The following ZFAT variants were observed in gnomAD, a reference collection of about 807,000 sequenced individuals.
ZFAT encodes zinc finger and AT-hook domain containing, also known as zinc finger protein ZFAT.
In ZFAT, 64 loss-of-function variants were observed where a neutral mutation model predicts 117.7. The observed-to-expected ratio is 0.54, with a 90% CI of 0.44 to 0.67. ZFAT has a LOEUF of 0.67. Ranked by LOEUF, ZFAT falls within the 30% of genes least tolerant of loss-of-function variation. ZFAT has a pLI of 0.00. For synonymous variants in ZFAT, 679 were observed against 615.0 expected (o/e 1.10, Z -1.54); for missense variants, 1,433 against 1,584.5 (o/e 0.90, Z 1.62).
At chr8:134,556,573 G>C (rs1197658784) in intron 11 of ZFAT, among the ~76,000 whole-genome samples, 1 of 152,024 alleles carries the variant, frequency 6.6e-6, no homozygotes, top group Non-Finnish European at 1.5e-5. Context: ...CTTAAAGCCG[G>C]CTAGAAGAAA....
chr8:134,775,928 A>G, the ZFAT span, among the ~76,000 whole-genome samples: 5 of 152,236 alleles, frequency 3.3e-5, no homozygotes, highest in African/African-American at 1.2e-4. Flanking sequence ...ATATTCAGGG[A>G]AACAAAAGGA....
intron 3 of ZFAT, among the ~76,000 whole-genome samples, chr8:134,625,135 C>G (rs1038602415): frequency 1.3e-5 from 2 of 152,196 alleles, no homozygotes; most frequent in African/African-American, 4.8e-5. Flanking sequence ...CGCCCTCTTC[C>G]CTTAGGCTTT....
In ZFAT at chr8:134,551,494, T is replaced by C. The variant is rs995982009; in HGVS notation, c.2976+13839A>G. On this transcript the variant is annotated intron_variant, in intron 11 of 15. Transcript: ENST00000377838. ...GTGGTGGAACTTTCTTGTGGAAAGATGAAAACGTCTTCTAGGTAACAGGAG... is the reference window on the plus strand; with the variant it reads ...GTGGTGGAACTTTCTTGTGGAAAGACGAAAACGTCTTCTAGGTAACAGGAG... Among the ~76,000 whole-genome samples the C allele has an allele frequency of 1.8e-4, 28 of 152,364 alleles. 1 individual carries two copies. Among genetic ancestry groups the C allele is most frequent in the African/African-American group, 5.5e-4 (23 of 41,578 alleles).
intron 1 of ZFAT, among the ~76,000 whole-genome samples, chr8:134,708,587 G>A (rs1048161092): frequency 1.3e-5 from 2 of 151,806 alleles, no homozygotes; most frequent in Non-Finnish European, 2.9e-5. Flanking sequence ...AAAAAAAGGA[G>A]GCAACTTTAA....
intron 1 of ZFAT, among the ~76,000 whole-genome samples, chr8:134,687,091 C>T (rs567821036): frequency 6.6e-6 from 1 of 152,290 alleles, no homozygotes; most frequent in East Asian, 1.9e-4. Flanking sequence ...AACCCTCCTG[C>T]CTCCTGCTGC....
chr8:134,613,090 G>A (rs1025641877), intron 3 of ZFAT, among the ~76,000 whole-genome samples: 1 of 152,138 alleles, frequency 6.6e-6, no homozygotes, highest in Non-Finnish European at 1.5e-5. Flanking sequence ...TAAAAAGGTA[G>A]AAACAACATT....
At chr8:134,750,292 G>GGAATAGAGAAATACAATGTT in the ZFAT span, among the ~76,000 whole-genome samples, 120,188 of 151,026 alleles carry the variant, frequency 0.8, 48,179 homozygotes, top group African/African-American at 0.89. Context: ...TGTTTTTACT[G>GGAATAGAGAAATACAATGTT]GAATAGAGAA....
At chr8:134,721,256 A>G in the ZFAT span, among the ~76,000 whole-genome samples, 6 of 152,160 alleles carry the variant, frequency 3.9e-5, no homozygotes, top group Non-Finnish European at 7.3e-5. Flanking sequence ...GTTTCTGCTG[A>G]GCAACCAGTC....
At chr8:134,600,995 A>G (rs1827394552) in intron 6 of ZFAT, among the ~76,000 whole-genome samples, 8 of 152,124 alleles carry the variant, frequency 5.3e-5, no homozygotes, top group Admixed American at 5.2e-4. Context: ...CCCTCCTGGG[A>G]CAGCAGGTCT....
intron 1 of ZFAT, among the ~76,000 whole-genome samples, chr8:134,694,958 G>C (rs752257449): frequency 2.6e-5 from 4 of 152,190 alleles, no homozygotes; most frequent in Admixed American, 6.5e-5. Flanking sequence ...GTTCTCAAAA[G>C]ACATCTCCAC....
the ZFAT span, among the ~76,000 whole-genome samples, chr8:134,725,877 G>C: frequency 6.6e-6 from 1 of 152,174 alleles, no homozygotes; most frequent in African/African-American, 2.4e-5. Flanking sequence ...AGAGAGCCAG[G>C]ACTCAGTAAT....
Position 134,602,290 on chromosome 8 carries a change from T to C in ZFAT, c.1429A>G (p.Ile477Val). ...TGGGCAGCCCCGTGCACCTCTTTGA[T>C]GTGGGTGCGCAGCCTGATGGAGCTG... The part of the protein sequence containing the change: ...FVSSIRLRTH[I>V]KEVHGAAQEA... The change falls in exon 6 of 16, where the codon ATC becomes GTC. Residue 477 changes from isoleucine to valine, a missense_variant. Transcript: ENST00000377838. 1 of 1,613,910 alleles carries C rather than the reference T, an allele frequency of 6.2e-7. No homozygotes were observed. The highest frequency in any genetic ancestry group is 1.1e-5 in the South Asian group (1 of 91,086).
chr8:134,681,069 G>A (rs1833048924), intron 1 of ZFAT, among the ~76,000 whole-genome samples: 1 of 152,200 alleles, frequency 6.6e-6, no homozygotes, highest in South Asian at 2.1e-4. Context: ...AGCCCAGTCA[G>A]TCCCAACTAC....
chr8:134,683,443 C>T (rs1833163766), intron 1 of ZFAT, among the ~76,000 whole-genome samples: 1 of 152,138 alleles, frequency 6.6e-6, no homozygotes, highest in Admixed American at 6.5e-5. Context: ...GCCACAGAAG[C>T]ACGTGTGGAG....
the ZFAT span, among the ~76,000 whole-genome samples, chr8:134,737,106 C>T: frequency 2.0e-5 from 3 of 152,016 alleles, no homozygotes; most frequent in African/African-American, 2.4e-5. Context: ...CATGGAGAAA[C>T]CCCGTCTCTA....
chr8:134,550,952 ACT>A (rs757904129), intron 11 of ZFAT, among the ~76,000 whole-genome samples: 17 of 151,784 alleles, frequency 1.1e-4, no homozygotes, highest in Admixed American at 4.6e-4. Context: ...ACCAACAGAA[ACT>A]CTATGCTTTA....
At chr8:134,801,723 TG>T in the ZFAT span, among the ~76,000 whole-genome samples, 1 of 152,192 alleles carries the variant, frequency 6.6e-6, no homozygotes, top group African/African-American at 2.4e-5. Flanking sequence ...ACTTTTTCTC[TG>T]GGAGAAAAAA....
At chr8:134,707,837 C>A (rs1206860643) in intron 1 of ZFAT, among the ~76,000 whole-genome samples, 1 of 152,200 alleles carries the variant, frequency 6.6e-6, no homozygotes, top group African/African-American at 2.4e-5. Flanking sequence ...CCATGTATTA[C>A]ATGATTTAAA....
At chr8:134,490,702 C>A (rs1249708376) in intron 15 of ZFAT, among the ~76,000 whole-genome samples, 2 of 152,228 alleles carry the variant, frequency 1.3e-5, no homozygotes, top group Non-Finnish European at 2.9e-5. Context: ...AGGCTGGATT[C>A]TTCCTCAGGA....
Sources: allele counts gnomAD v4.1 joint callset (sites outside exome capture counted in the v4.1 genomes callset), GRCh38; gene constraint gnomAD v4.1.1; transcripts MANE v1.5; gene names NCBI Gene and HGNC (gene_info 2026-07-23, HGNC 2026-07-21).